The following EIF2B1 variants were observed in gnomAD, a reference collection of about 807,000 sequenced individuals.
The protein encoded by EIF2B1 is translation initiation factor eIF2B subunit alpha.
EIF2B1 carries 30 observed loss-of-function variants against 36.8 expected under a neutral mutation model. The observed-to-expected ratio is 0.81, with a 90% CI of 0.61 to 1.10. The LOEUF is 1.10. Ranked by LOEUF, EIF2B1 falls within the 50% of genes least tolerant of loss-of-function variation. The probability of loss-of-function intolerance (pLI) is 0.00; values close to 1 mark genes in which losing one functional copy is unlikely to be tolerated. For missense variants in EIF2B1, 271 were observed against 374.8 expected (o/e 0.72, Z 2.29); for synonymous variants, 139 against 142.2 (o/e 0.98, Z 0.16).
Position 123,624,834 on chromosome 12 carries a change from T to A in EIF2B1, c.580A>T (p.Ile194Leu). 6.2e-7 allele frequency: 1 copy of A among 1,614,040 alleles called. No individual in the cohort carries two copies. The highest frequency in any genetic ancestry group is 8.5e-7 in the Non-Finnish European group (1 of 1,179,968). ...GYIMEKADLVIVGAEGVVENG... is the reference protein window; with the variant it reads ...GYIMEKADLVLVGAEGVVENG... The stretch of plus-strand genomic sequence containing the variant: ...TCAACAACTCCTTCAGCACCAACTA[T>A]GACAAGATCTGCTTTCTCCATGATG... Residue 194 changes from isoleucine (I) to leucine (L), a missense_variant, in exon 7 of 9, where the codon ATA becomes TTA. Transcript: ENST00000424014.
intron 4 of EIF2B1, among the ~76,000 whole-genome samples, chr12:123,628,351 CTTTTTTTTTTTTTT>C (rs958119194): frequency 1.3e-5 from 1 of 74,956 alleles, no homozygotes; most frequent in African/African-American, 5.6e-5. Context: ...CCCATAACCT[CTTTTTTTTTTTTTT>C]TTTTTTTTTT....
chr12:123,626,499 G>A lies in EIF2B1; in HGVS notation c.483-6C>T. 1 of 1,614,104 alleles carries A rather than the reference G, an allele frequency of 6.2e-7. No homozygotes were observed. On this transcript the variant is annotated splice_region_variant and splice_polypyrimidine_tract_variant and intron_variant, in intron 5 of 8. Coordinates refer to ENST00000424014, the MANE Select transcript of EIF2B1 (RefSeq NM_001414.4). ...GGGCTTTGGCCATTTTCTTACTGAA[G>A]ATGACATTTTGAGAACGTTAGAGAA...
chr12:123,624,727 T>C, intron 7 of EIF2B1, 60 bp downstream of exon 7: 1 of 1,421,684 alleles, frequency 7.0e-7, no homozygotes, highest in Non-Finnish European at 9.9e-7. Context: ...TGTGGTGTCC[T>C]AGGTCAGCAA....
chr12:123,626,444 C>T lies in EIF2B1; in HGVS notation c.532G>A (p.Val178Met). 6.2e-7 allele frequency: 1 copy of T among 1,614,110 alleles called. No individual in the cohort carries two copies. The highest frequency in any genetic ancestry group is 8.5e-7 in the Non-Finnish European group (1 of 1,179,982). The change falls in exon 6 of 9, where the codon GTG becomes ATG. Residue 178 changes from valine (V) to methionine (M), a missense_variant. Transcript: ENST00000424014. ...ACTCACCCGACAGCAGCATCTAGCA[C>T]CACAGTGACAGGGACGTTGAGGTGG... is the stretch of plus-strand genomic sequence containing the variant. The part of the protein sequence containing the change: ...LCHLNVPVTV[V>M]LDAAVGYIME...
chr12:123,631,677 G>A lies in EIF2B1; in HGVS notation c.115+668C>T, dbSNP rs186568358. Reference sequence around the variant, plus strand: ...CAAAAAATTAGCTAGGCATGGTGGCGGGCGCCTGTAGTCCCAGCTACCTGG... The same window carrying A: ...CAAAAAATTAGCTAGGCATGGTGGCAGGCGCCTGTAGTCCCAGCTACCTGG... On this transcript the variant is annotated intron_variant, in intron 2 of 8. Transcript: ENST00000424014. 3.9e-5 allele frequency among the ~76,000 whole-genome samples: 6 copies of A among 152,196 alleles called. No homozygotes were observed. The East Asian group carries it at 5.8e-4, about 15-fold the overall frequency.
intron 5 of EIF2B1, chr12:123,626,700 T>G: frequency 1.5e-6 from 1 of 659,582 alleles, no homozygotes; most frequent in Non-Finnish European, 2.7e-6. Flanking sequence ...TCTTAGACTC[T>G]GGGTAAGAGA....
rs895152588 is a variant in EIF2B1, at chr12:123,630,796, T to C, written c.116-263A>G. On this transcript the variant is annotated intron_variant, in intron 2 of 8. Coordinates refer to ENST00000424014, the MANE Select transcript of EIF2B1 (RefSeq NM_001414.4). This position sits in a 1 kb window ranked among gnomAD's most constrained non-coding sequence, Gnocchi z 4.6. Reference sequence around the variant, plus strand: ...GGCTGGGCATGGTGGCTCACGCCTGTAATCTCAGCACTTTGGGAGGCTGAG... The same window carrying C: ...GGCTGGGCATGGTGGCTCACGCCTGCAATCTCAGCACTTTGGGAGGCTGAG... Among the ~76,000 whole-genome samples, 1 of 152,084 alleles carries C rather than the reference T, an allele frequency of 6.6e-6. No homozygotes were observed. Among genetic ancestry groups the C allele is most frequent in the East Asian group, 1.9e-4 (1 of 5,192 alleles).
rs1955064468 is a variant in EIF2B1 at position 123,620,606 on chromosome 12, ATATATATATATATATATATAT to A, written c.*1129_*1149del. On this transcript the variant is annotated 3_prime_UTR_variant, in exon 9 of 9. Coordinates refer to ENST00000424014, the MANE Select transcript of EIF2B1 (RefSeq NM_001414.4). ...TATATATATATATATATATATATAT[ATATATATATATATATATATAT>A]AAGCTCTTTTTTCTGAGGCTATTTT... The A allele has an allele frequency of 1.3e-5, 1 of 75,890 alleles. No individual in the cohort carries two copies. The highest frequency in any genetic ancestry group is 3.3e-5 in the Non-Finnish European group (1 of 30,616). 4.7% of individuals were successfully genotyped at this position (75,890 alleles called of 1,614,324 possible). A position where few individuals can be genotyped will look rare whatever the true frequency, so the allele number is the denominator to read the frequency against.
intron 5 of EIF2B1, chr12:123,626,771 A>G (rs768886851): frequency 6.4e-4 from 418 of 654,184 alleles, no homozygotes; most frequent in South Asian, 1.4e-3. Flanking sequence ...AGAGGGAGAT[A>G]TAAGTTACCT....
At chr12:123,624,904 C>CT (rs759560441) in intron 6 of EIF2B1, 42 bp from the exon 7 acceptor site, 75 of 1,542,926 alleles carry the variant, frequency 4.9e-5, no homozygotes, top group Non-Finnish European at 6.7e-5. Context: ...TTTCTTGGCT[C>CT]TAACGAGTAG....
At position 123,630,215 on chromosome 12, in the gene EIF2B1, C is replaced by T; in HGVS notation, c.323G>A (p.Arg108Lys). ...ATGGCACAGATCTGCAATTTTGTTT[C>T]TTGACAGTGATATTCTCCTGAGAAA... The part of the protein sequence containing the change: ...ELFLRRISLS[R>K]NKIADLCHTF... Residue 108 changes from arginine (R) to lysine (K), a missense_variant, in exon 4 of 9, where the codon AGA becomes AAA. Coordinates refer to ENST00000424014, the MANE Select transcript of EIF2B1 (RefSeq NM_001414.4). The surrounding 1 kb of genome is among the most constrained non-coding windows in gnomAD (Gnocchi z 4.6). 1 of 1,614,078 alleles carries T rather than the reference C, an allele frequency of 6.2e-7. No homozygotes were observed. The highest frequency in any genetic ancestry group is 8.5e-7 in the Non-Finnish European group (1 of 1,180,038).
chr12:123,631,948 T>C (rs1955192684), intron 2 of EIF2B1, among the ~76,000 whole-genome samples: 1 of 150,944 alleles, frequency 6.6e-6, no homozygotes, highest in Non-Finnish European at 1.5e-5. Flanking sequence ...CACTCCAGCC[T>C]GGGAGACAAG....
rs1314091904 is a variant in EIF2B1, at chr12:123,621,569, C to G, written c.*187G>C. ...CAATTTAAGTTGGGATTTAGAATAG[C>G]TGACACATTTTTAGATGGGACTGAA... On this transcript the variant is annotated 3_prime_UTR_variant, in exon 9 of 9. Coordinates refer to ENST00000424014, the MANE Select transcript of EIF2B1 (RefSeq NM_001414.4). 1 of 693,032 alleles carries G rather than the reference C, an allele frequency of 1.4e-6. No individual in the cohort carries two copies. The highest frequency in any genetic ancestry group is 2.4e-6 in the Non-Finnish European group (1 of 409,862). 42.9% of individuals were successfully genotyped at this position (693,032 alleles called of 1,614,324 possible). A position where few individuals can be genotyped will look rare whatever the true frequency, so the allele number is the denominator to read the frequency against.
At chr12:123,631,422 C>A (rs189530512) in intron 2 of EIF2B1, among the ~76,000 whole-genome samples, 1 of 152,252 alleles carries the variant, frequency 6.6e-6, no homozygotes, top group East Asian at 1.9e-4. Flanking sequence ...CCTGTAATCT[C>A]AGCACTTTGG....
At chr12:123,628,833 C>G (rs1033828576) in intron 4 of EIF2B1, among the ~76,000 whole-genome samples, 1 of 152,214 alleles carries the variant, frequency 6.6e-6, no homozygotes, top group African/African-American at 2.4e-5. Context: ...AAGACCCCAG[C>G]TGACTCCTCT....
At position 123,633,654 on chromosome 12, in the gene EIF2B1, G is replaced by T; in HGVS notation, c.-97C>A. 1.3e-6 allele frequency: 2 copies of T among 1,564,254 alleles called. No homozygotes were observed. The highest frequency in any genetic ancestry group is 1.7e-6 in the Non-Finnish European group (2 of 1,148,466). On this transcript the variant is annotated 5_prime_UTR_variant, in exon 1 of 9. Coordinates refer to ENST00000424014, the MANE Select transcript of EIF2B1 (RefSeq NM_001414.4). ...GCCGCCTGCGAGCCAGTCTGACAGCGCGCTGCACACCTCCGCACCCCACTT... is the reference window on the plus strand; with the variant it reads ...GCCGCCTGCGAGCCAGTCTGACAGCTCGCTGCACACCTCCGCACCCCACTT...
intron 5 of EIF2B1, chr12:123,626,766 G>A: frequency 1.5e-6 from 1 of 650,500 alleles, no homozygotes; most frequent in Non-Finnish European, 2.8e-6. Context: ...TAGAGAGAGG[G>A]AGATATAAGT....
chr12:123,629,981 C>T, intron 4 of EIF2B1, 188 bp downstream of exon 4: 1 of 657,320 alleles, frequency 1.5e-6, no homozygotes, highest in Non-Finnish European at 2.7e-6. Context: ...CTCATTTAAT[C>T]CTCACAACAA....
chr12:123,632,438 C>G lies in EIF2B1; in HGVS notation c.22G>C (p.Glu8Gln), dbSNP rs1180851545. 1 of 1,611,836 alleles carries G rather than the reference C, an allele frequency of 6.2e-7. No homozygotes were observed. Among genetic ancestry groups the G allele is most frequent in the Non-Finnish European group, 8.5e-7 (1 of 1,178,656 alleles). MDDKELIEYFKSQMKEDP... is the reference protein window; with the variant it reads MDDKELIQYFKSQMKEDP... ...TCTTTCATCTGAGACTTAAAGTATT[C>G]AATTAACTCTGGAAAAAGGGAAAAA... Residue 8 changes from glutamate to glutamine, a missense_variant, in exon 2 of 9, where the codon GAA (glutamate) becomes CAA (glutamine). Coordinates refer to ENST00000424014, the MANE Select transcript of EIF2B1 (RefSeq NM_001414.4).
Sources: allele counts gnomAD v4.1 joint callset (sites outside exome capture counted in the v4.1 genomes callset), GRCh38; gene constraint gnomAD v4.1.1; non-coding constraint Gnocchi (gnomAD v3.1); transcripts MANE v1.5; gene names NCBI Gene and HGNC (gene_info 2026-07-23, HGNC 2026-07-21).